The following CCDC192 variants were observed in gnomAD, a reference collection of about 807,000 sequenced individuals.
CCDC192 encodes the protein coiled-coil domain-containing protein 192.
intron 5 of CCDC192, among the ~76,000 whole-genome samples, chr5:127,870,643 G>A (rs1424667255): frequency 6.6e-6 from 1 of 152,106 alleles, no homozygotes; most frequent in Admixed American, 6.5e-5. Flanking sequence ...CTGAAAGTGC[G>A]ACTAAACGAT....
In CCDC192 at chr5:127,867,438, A is replaced by G. The variant is rs962955592; in HGVS notation, c.412-8100A>G. Among the ~76,000 whole-genome samples the G allele has an allele frequency of 4.6e-5, 7 of 152,184 alleles. No individual in the cohort carries two copies. The East Asian group carries it at 1.3e-3, about 29-fold the overall frequency. On this transcript the variant is annotated intron_variant, in intron 5 of 6. Transcript: ENST00000514853. ...TTCTTTTCCACCACTTGTAAATTCGATCCTCTCTGGTTTCTGTGCTCTTCT... is the reference window on the plus strand; with the variant it reads ...TTCTTTTCCACCACTTGTAAATTCGGTCCTCTCTGGTTTCTGTGCTCTTCT...
chr5:127,757,823 C>CTG (rs1754695347), intron 3 of CCDC192, among the ~76,000 whole-genome samples: 1 of 146,610 alleles, frequency 6.8e-6, no homozygotes, highest in South Asian at 2.2e-4. Flanking sequence ...CTCTCTCAAT[C>CTG]TGTGTGTATG....
intron 6 of CCDC192, among the ~76,000 whole-genome samples, chr5:127,877,674 T>TC (rs1201279952): frequency 1.2e-5 from 1 of 84,026 alleles, no homozygotes; most frequent in Non-Finnish European, 2.7e-5. Flanking sequence ...TTCTCAGAAA[T>TC]CTGGTCACCT....
At chr5:127,855,541 A>T (rs1751027302) in intron 5 of CCDC192, among the ~76,000 whole-genome samples, 1 of 152,212 alleles carries the variant, frequency 6.6e-6, no homozygotes, top group South Asian at 2.1e-4. Context: ...TTCTCCCATG[A>T]ATCACGAGTG....
At chr5:127,818,091 C>T (rs114233746) in intron 5 of CCDC192, among the ~76,000 whole-genome samples, 3,070 of 152,268 alleles carry the variant, frequency 0.02, 112 homozygotes, top group African/African-American at 0.071. Flanking sequence ...TCCCAAATCA[C>T]TGCTCTAAAA....
At chr5:127,926,792 C>T (rs1435388027) in intron 6 of CCDC192, among the ~76,000 whole-genome samples, 1 of 151,968 alleles carries the variant, frequency 6.6e-6, no homozygotes, top group African/African-American at 2.4e-5. Flanking sequence ...CAACCAAGGC[C>T]ACAGGAGGGA....
intron 3 of CCDC192, among the ~76,000 whole-genome samples, chr5:127,791,632 C>T (rs1252690051): frequency 6.6e-6 from 1 of 152,136 alleles, no homozygotes. Context: ...CTTCAGTAAC[C>T]ATACATGATA....
chr5:127,794,571 C>T (rs1277271729), intron 3 of CCDC192, among the ~76,000 whole-genome samples: 1 of 152,074 alleles, frequency 6.6e-6, no homozygotes, highest in Non-Finnish European at 1.5e-5. Context: ...TATATAATAG[C>T]TATTTTTAAA....
chr5:127,859,958 A>G (rs1751286819), intron 5 of CCDC192, among the ~76,000 whole-genome samples: 1 of 152,040 alleles, frequency 6.6e-6, no homozygotes, highest in African/African-American at 2.4e-5. Context: ...AGACAATGCT[A>G]TTTATCAACC....
At chr5:127,719,980 T>G (rs1318314910) in intron 2 of CCDC192, among the ~76,000 whole-genome samples, 3 of 152,092 alleles carry the variant, frequency 2.0e-5, no homozygotes. Flanking sequence ...CAATTCAACA[T>G]GAGATTTGTG....
chr5:127,769,299 AG>A (rs1430079305), intron 3 of CCDC192, among the ~76,000 whole-genome samples: 9 of 152,204 alleles, frequency 5.9e-5, no homozygotes, highest in African/African-American at 2.2e-4. Flanking sequence ...TATTGAAAGA[AG>A]GAAGTCCGGG....
At position 127,817,651 on chromosome 5, in the gene CCDC192, T is replaced by A. The variant is rs10072070; in HGVS notation, c.411+19489T>A. Reference sequence around the variant, plus strand: ...GAGTGAGGGAGTGACTGCTAATGGATATGAATTTATTTTTGTATTTATGAA... The same window carrying A: ...GAGTGAGGGAGTGACTGCTAATGGAAATGAATTTATTTTTGTATTTATGAA... On this transcript the variant is annotated intron_variant, in intron 5 of 6. Transcript: ENST00000514853. 4.3e-3 allele frequency among the ~76,000 whole-genome samples: 659 copies of A among 152,306 alleles called. 2 individuals carry two copies. Among genetic ancestry groups the A allele is most frequent in the African/African-American group, 0.015 (642 of 41,580 alleles).
At chr5:127,777,812 A>G (rs1399131833) in intron 3 of CCDC192, among the ~76,000 whole-genome samples, 3 of 152,136 alleles carry the variant, frequency 2.0e-5, no homozygotes, top group African/African-American at 7.2e-5. Context: ...GCTGCCATGT[A>G]AGACATTCCT....
At chr5:127,786,741 A>G in intron 3 of CCDC192, 1 of 702,786 alleles carries the variant, frequency 1.4e-6, no homozygotes, top group Admixed American at 1.9e-5. Flanking sequence ...ATGCTTAAGA[A>G]GACTTGTCAA....
chr5:127,842,944 G>A (rs373920143), intron 5 of CCDC192, among the ~76,000 whole-genome samples: 21 of 151,880 alleles, frequency 1.4e-4, no homozygotes, highest in East Asian at 5.8e-4. Flanking sequence ...GGCGAAAAGT[G>A]CAAGGAATTG....
chr5:127,894,173 T>A (rs1348375170), intron 6 of CCDC192, among the ~76,000 whole-genome samples: 2 of 151,356 alleles, frequency 1.3e-5, no homozygotes, highest in Admixed American at 1.3e-4. Context: ...GCTCGGATAC[T>A]TTAGTCCTAT....
chr5:127,877,394 T>C (rs1233342001), intron 6 of CCDC192, among the ~76,000 whole-genome samples: 1 of 152,134 alleles, frequency 6.6e-6, no homozygotes, highest in African/African-American at 2.4e-5. Context: ...AACATGGGTA[T>C]TTATGAACAG....
At chr5:127,850,881 G>A (rs561255083) in intron 5 of CCDC192, among the ~76,000 whole-genome samples, 17 of 152,304 alleles carry the variant, frequency 1.1e-4, no homozygotes, top group Non-Finnish European at 1.9e-4. Flanking sequence ...CAGAAGAATC[G>A]CTTGAACCCG....
intron 3 of CCDC192, among the ~76,000 whole-genome samples, chr5:127,759,240 C>T (rs149211424): frequency 3.4e-4 from 51 of 152,210 alleles, no homozygotes; most frequent in African/African-American, 1.1e-3. Flanking sequence ...TCCCTCTGTC[C>T]CTTTGTGGTT....
Sources: allele counts gnomAD v4.1 joint callset (sites outside exome capture counted in the v4.1 genomes callset), GRCh38; gene constraint gnomAD v4.1.1; transcripts MANE v1.5; gene names NCBI Gene and HGNC (gene_info 2026-07-23, HGNC 2026-07-21).